IFITM10: variants seen among roughly 807,000 people sequenced by gnomAD.
IFITM10 encodes interferon-induced transmembrane protein 10.
IFITM10 carries 17 observed loss-of-function variants against 19.0 expected under a neutral mutation model. That is an observed-to-expected ratio of 0.90 (90% CI 0.61 to 1.34). The LOEUF (loss-of-function observed/expected upper bound fraction) is 1.34, where lower values mean the gene tolerates loss of function less well. IFITM10 is among the 40% of genes most tolerant of loss of function. IFITM10 has a pLI of 0.00. For missense variants in IFITM10, 306 were observed against 319.8 expected (o/e 0.96, Z 0.33); for synonymous variants, 148 against 147.2 (o/e 1.01, Z -0.04).
intron 1 of IFITM10, chr11:1,749,139 G>T: frequency 1.0e-6 from 1 of 991,296 alleles, no homozygotes; most frequent in South Asian, 3.9e-5. Context: ...TGAGGGGGTG[G>T]GGAGCGCGCG....
chr11:1,746,135 GCACA>G (rs3047258), intron 2 of IFITM10: 1 of 157,044 alleles, frequency 6.4e-6, no homozygotes, highest in Non-Finnish European at 1.4e-5. Flanking sequence ...CACACATTGT[GCACA>G]CACATTTACA....
At chr11:1,746,232 C>T in intron 2 of IFITM10, 1 of 231,038 alleles carries the variant, frequency 4.3e-6, no homozygotes, top group South Asian at 1.8e-4. Context: ...CACACTTGTG[C>T]ACACACATTT....
intron 2 of IFITM10, 107 bp downstream of exon 2, chr11:1,747,560 G>T: frequency 1.0e-6 from 1 of 963,464 alleles, no homozygotes; most frequent in Non-Finnish European, 1.6e-6. Context: ...TGTTCTACCC[G>T]TGTGCTCCCC....
rs766494701 is a variant in IFITM10, at chr11:1,746,576, CATG to C, written c.537+1088_537+1090del. 9.0e-5 allele frequency: 36 copies of C among 398,506 alleles called. 2 individuals are homozygous for C. Among genetic ancestry groups the C allele is most frequent in the East Asian group, 3.6e-4 (10 of 28,082 alleles). The allele number at this position is 398,506 out of a possible 1,614,324, so 24.7% of individuals were successfully genotyped here. A position where few individuals can be genotyped will look rare whatever the true frequency, so the allele number is the denominator to read the frequency against. ...AGTGGGCAACGCCGGGGTTGGCAAT[CATG>C]ATGAGTCAGGAGCAGGAGGGGAACG... On this transcript the variant is annotated intron_variant, in intron 2 of 2. Coordinates refer to ENST00000340134, the MANE Select transcript of IFITM10 (RefSeq NM_001170820.4).
intron 2 of IFITM10, among the ~76,000 whole-genome samples, chr11:1,743,802 C>T (rs1161167284): frequency 6.6e-6 from 1 of 152,094 alleles, no homozygotes. Context: ...GAACCTTCTG[C>T]CTCGAGGCTT....
intron 2 of IFITM10, chr11:1,746,264 GTAAT>G (rs1230892577): frequency 2.8e-5 from 7 of 253,998 alleles, no homozygotes; most frequent in Middle Eastern, 1.1e-3. Flanking sequence ...GCCCACCCAC[GTAAT>G]TACACACATG....
chr11:1,738,901 A>C (rs1851114831), intron 2 of IFITM10, among the ~76,000 whole-genome samples: 1 of 152,044 alleles, frequency 6.6e-6, no homozygotes, highest in Non-Finnish European at 1.5e-5. Context: ...TCTACTAAAA[A>C]TACAAAAAAA....
Position 1,747,966 on chromosome 11 carries a change from G to A in IFITM10, c.238C>T (p.Pro80Ser), listed in dbSNP as rs1022418411. 5.5e-6 allele frequency: 8 copies of A among 1,459,088 alleles called. No homozygotes were observed. The South Asian group carries it at 9.9e-5, about 18-fold the overall frequency. The allele number at this position is 1,459,088 out of a possible 1,614,324, so 90.4% of individuals were successfully genotyped here. A position where few individuals can be genotyped will look rare whatever the true frequency, so the allele number is the denominator to read the frequency against. ...PKGCFACVSK[P>S]PALQAPAAPA... ...GCCGCCGGAGCCTGCAGGGCAGGGG[G>A]CTTGGACACGCAAGCGAAGCAGCCC... Residue 80 changes from proline (P) to serine (S), a missense_variant, in exon 2 of 3, where the codon CCC (proline) becomes TCC (serine). Coordinates refer to ENST00000340134, the MANE Select transcript of IFITM10 (RefSeq NM_001170820.4).
intron 2 of IFITM10, among the ~76,000 whole-genome samples, chr11:1,736,367 G>T (rs961795003): frequency 3.3e-5 from 5 of 152,134 alleles, no homozygotes; most frequent in Admixed American, 3.3e-4. Flanking sequence ...GTGTGGTCAG[G>T]GTGATGGATG....
intron 1 of IFITM10, chr11:1,748,708 G>T (rs1845682651): frequency 6.6e-6 from 1 of 152,298 alleles, no homozygotes; most frequent in Non-Finnish European, 1.5e-5. Flanking sequence ...TGCAGGCTCA[G>T]CCACGAGCAC....
At chr11:1,748,159 CCG>C in intron 1 of IFITM10, 40 bp from the exon 2 acceptor site, 2 of 1,283,964 alleles carry the variant, frequency 1.6e-6, no homozygotes, top group Non-Finnish European at 2.0e-6. Context: ...GCCCGGCCTA[CCG>C]GCCAGCACCC....
chr11:1,745,594 C>G (rs530962304), intron 2 of IFITM10: 29 of 152,492 alleles, frequency 1.9e-4, no homozygotes, highest in African/African-American at 6.3e-4. Flanking sequence ...CACGCATGCA[C>G]AGTCAGGTAC....
rs1211363877 is a variant in IFITM10, at chr11:1,750,502, C to T, written c.-60G>A. ...TTCTCCTCTGCCACTCTCAACTGGC[C>T]TCCTGTGTCTCCGCAACCCTCTTTC... is the stretch of plus-strand genomic sequence containing the variant. On this transcript the variant is annotated 5_prime_UTR_variant, in exon 1 of 3. Coordinates refer to ENST00000340134, the MANE Select transcript of IFITM10 (RefSeq NM_001170820.4). 23 of 1,544,754 alleles carry T rather than the reference C, an allele frequency of 1.5e-5. No individual in the cohort carries two copies. Among genetic ancestry groups the T allele is most frequent in the Non-Finnish European group, 1.8e-5 (21 of 1,143,168 alleles).
At chr11:1,748,663 C>A (rs1845682271) in intron 1 of IFITM10, 1 of 152,366 alleles carries the variant, frequency 6.6e-6, no homozygotes, top group Admixed American at 6.5e-5. Flanking sequence ...GCGCTCAGAG[C>A]CATTGACGAG....
chr11:1,741,863 G>C (rs1322682111), intron 2 of IFITM10, among the ~76,000 whole-genome samples: 2 of 152,108 alleles, frequency 1.3e-5, no homozygotes, highest in African/African-American at 4.8e-5. Context: ...TCATGCGTGG[G>C]ATTGGCACCC....
intron 2 of IFITM10, among the ~76,000 whole-genome samples, chr11:1,740,782 AGCGATCCCCAGTG>A (rs1845560289): frequency 6.6e-6 from 1 of 152,134 alleles, no homozygotes; most frequent in Admixed American, 6.5e-5. Context: ...TCTATGTTGC[AGCGATCCCCAGTG>A]GTGGAGAGGG....
chr11:1,742,677 AAGTG>A (rs1419077789), intron 2 of IFITM10, among the ~76,000 whole-genome samples: 1 of 152,190 alleles, frequency 6.6e-6, no homozygotes, highest in African/African-American at 2.4e-5. Context: ...ATTACTGAGA[AAGTG>A]AGACTAGATG....
At chr11:1,738,516 C>T (rs1285033429) in intron 2 of IFITM10, among the ~76,000 whole-genome samples, 1 of 152,060 alleles carries the variant, frequency 6.6e-6, no homozygotes, top group Non-Finnish European at 1.5e-5. Context: ...AAGTGTATGC[C>T]ACATGGGTGG....
chr11:1,748,134 G>A lies in IFITM10; in HGVS notation c.85-15C>T. On this transcript the variant is annotated splice_polypyrimidine_tract_variant and intron_variant, in intron 1 of 2. Transcript: ENST00000340134. The stretch of plus-strand genomic sequence containing the variant: ...GGGCCCTGGGCCTGGAGAGGAGAAA[G>A]TGAGAGCAAGCTGGGCCCGGCCTAC... The A allele has an allele frequency of 7.4e-7, 1 of 1,351,178 alleles. No individual in the cohort carries two copies. Among genetic ancestry groups the A allele is most frequent in the African/African-American group, 1.5e-5 (1 of 65,228 alleles). The allele number at this position is 1,351,178 out of a possible 1,614,324, so 83.7% of individuals were successfully genotyped here. A position where few individuals can be genotyped will look rare whatever the true frequency, so the allele number is the denominator to read the frequency against.
Sources: gnomAD v4.1 joint callset for allele counts (sites outside exome capture counted in the v4.1 genomes callset) on GRCh38, gnomAD v4.1.1 for gene constraint, MANE v1.5 for transcripts, NCBI Gene and HGNC (gene_info 2026-07-23, HGNC 2026-07-21) for gene names.